IQCJ: variants seen among roughly 807,000 people sequenced by gnomAD.
The protein encoded by IQCJ is IQ motif containing J.
Under a neutral mutation model 11.0 loss-of-function variants are expected in IQCJ, and 9 were observed. The observed-to-expected ratio is 0.82, with a 90% CI of 0.49 to 1.43. IQCJ has a LOEUF of 1.43. IQCJ is among the 40% of genes most tolerant of loss of function. The probability of loss-of-function intolerance (pLI) is 0.00; values close to 1 mark genes in which losing one functional copy is unlikely to be tolerated. For synonymous variants in IQCJ, 55 were observed against 51.3 expected (o/e 1.07, Z -0.31); for missense variants, 146 against 133.2 (o/e 1.10, Z -0.47).
intron 1 of IQCJ, among the ~76,000 whole-genome samples, chr3:159,201,627 CTT>C (rs71144478): frequency 4.3e-5 from 3 of 70,314 alleles, no homozygotes; most frequent in Non-Finnish European, 7.8e-5. Context: ...GATAATGATT[CTT>C]TTTTTTTTTT....
intron 1 of IQCJ, among the ~76,000 whole-genome samples, chr3:159,163,189 A>T (rs1403044032): frequency 2.6e-5 from 4 of 152,210 alleles, no homozygotes; most frequent in African/African-American, 9.7e-5. Flanking sequence ...ATAGTGGCAA[A>T]CCGAATCCAG....
intron 1 of IQCJ, among the ~76,000 whole-genome samples, chr3:159,151,522 G>T (rs1577043320): frequency 6.6e-6 from 1 of 152,182 alleles, no homozygotes. Context: ...CTGTGGAGCT[G>T]CCCCTCCTGT....
At chr3:159,217,283 T>C (rs80340533) in intron 1 of IQCJ, among the ~76,000 whole-genome samples, 5,360 of 152,248 alleles carry the variant, frequency 0.035, 285 homozygotes, top group African/African-American at 0.12. Context: ...CACTTATAAA[T>C]AGTATTAAAT....
intron 1 of IQCJ, among the ~76,000 whole-genome samples, chr3:159,154,018 T>C (rs554891551): frequency 6.6e-6 from 1 of 152,342 alleles, no homozygotes; most frequent in Non-Finnish European, 1.5e-5. Flanking sequence ...CTTTTCTTAA[T>C]GAATTAGCCA....
chr3:159,227,325 T>C (rs1040438118), intron 1 of IQCJ, among the ~76,000 whole-genome samples: 12 of 152,198 alleles, frequency 7.9e-5, no homozygotes, highest in African/African-American at 2.9e-4. Flanking sequence ...ATAATTGGAT[T>C]TCAAGGTCTA....
At chr3:159,201,200 T>C (rs1724308121) in intron 1 of IQCJ, among the ~76,000 whole-genome samples, 1 of 152,168 alleles carries the variant, frequency 6.6e-6, no homozygotes. Context: ...GCTGATTACA[T>C]TTAATAATTG....
At chr3:159,244,345 G>A (rs989435235) in intron 1 of IQCJ, among the ~76,000 whole-genome samples, 1 of 152,128 alleles carries the variant, frequency 6.6e-6, no homozygotes, top group Non-Finnish European at 1.5e-5. Context: ...GGGAAGATCT[G>A]AAAACAGCAA....
chr3:159,155,645 T>C lies in IQCJ; in HGVS notation c.9+86204T>C, dbSNP rs185916165. On this transcript the variant is annotated intron_variant, in intron 1 of 3. Transcript: ENST00000397832. ...ACAAAGTAATTTTTACTTCAACTTC[T>C]GACATGAGAAGATAAATGCCAATGA... Among the ~76,000 whole-genome samples the C allele has an allele frequency of 5.9e-4, 90 of 152,330 alleles. 2 individuals carry two copies. The highest frequency in any genetic ancestry group is 5.2e-3 in the Admixed American group (79 of 15,300).
intron 1 of IQCJ, among the ~76,000 whole-genome samples, chr3:159,191,650 C>G (rs561870903): frequency 4.6e-5 from 7 of 152,302 alleles, no homozygotes; most frequent in African/African-American, 1.7e-4. Context: ...AATAATAACA[C>G]TGCAGCTTTA....
At chr3:159,180,272 A>C (rs1374019529) in intron 1 of IQCJ, among the ~76,000 whole-genome samples, 3 of 152,116 alleles carry the variant, frequency 2.0e-5, no homozygotes, top group Non-Finnish European at 2.9e-5. Context: ...CATGGGTCAA[A>C]ACTCAGGACA....
At chr3:159,124,404 C>A (rs1719553346) in intron 1 of IQCJ, among the ~76,000 whole-genome samples, 1 of 152,170 alleles carries the variant, frequency 6.6e-6, no homozygotes, top group Non-Finnish European at 1.5e-5. Context: ...GGTCCCCAGG[C>A]TCAGATCACT....
At chr3:159,215,167 G>A (rs1725158619) in intron 1 of IQCJ, among the ~76,000 whole-genome samples, 4 of 152,162 alleles carry the variant, frequency 2.6e-5, no homozygotes, top group Non-Finnish European at 4.4e-5. Context: ...TGCTGGGCTT[G>A]ATGAAAAATG....
intron 1 of IQCJ, among the ~76,000 whole-genome samples, chr3:159,220,816 A>T (rs1435931666): frequency 1.3e-5 from 2 of 152,128 alleles, no homozygotes; most frequent in Non-Finnish European, 2.9e-5. Flanking sequence ...TGGGCTTGTT[A>T]TTTCTTTCTT....
intron 1 of IQCJ, among the ~76,000 whole-genome samples, chr3:159,216,488 G>A (rs1394982355): frequency 6.6e-6 from 1 of 152,134 alleles, no homozygotes; most frequent in Non-Finnish European, 1.5e-5. Context: ...CATCAGTCAG[G>A]TAATTTGCAA....
Position 159,263,245 on chromosome 3 carries a change from C to T in IQCJ, c.*514C>T. On this transcript the variant is annotated 3_prime_UTR_variant, in exon 4 of 4. Transcript: ENST00000397832. ...CTCCTGACAATGTGACACCATGTGG[C>T]GATACAGGCAGGCATGGCCAAATGT... 6.3e-6 allele frequency: 2 copies of T among 318,968 alleles called. No individual in the cohort carries two copies. The highest frequency in any genetic ancestry group is 1.2e-4 in the South Asian group (1 of 8,196). The allele number at this position is 318,968 out of a possible 1,614,324, so 19.8% of individuals were successfully genotyped here.
chr3:159,228,802 C>CAA (rs10711050), intron 1 of IQCJ, among the ~76,000 whole-genome samples: 1 of 142,718 alleles, frequency 7.0e-6, no homozygotes, highest in African/African-American at 2.6e-5. Flanking sequence ...GACTCCGTCT[C>CAA]AAAAAAAAAA....
intron 1 of IQCJ, among the ~76,000 whole-genome samples, chr3:159,225,411 G>A (rs2108131696): frequency 1.3e-5 from 2 of 152,240 alleles, no homozygotes; most frequent in South Asian, 4.1e-4. Flanking sequence ...GGCTGTAAGG[G>A]GGGAGCAGAG....
chr3:159,169,456 T>A (rs1010078745), intron 1 of IQCJ, among the ~76,000 whole-genome samples: 7 of 151,858 alleles, frequency 4.6e-5, no homozygotes, highest in Admixed American at 2.6e-4. Flanking sequence ...CAGCTAATTT[T>A]TGTATTTTTT....
intron 1 of IQCJ, among the ~76,000 whole-genome samples, chr3:159,163,830 T>C (rs1722014499): frequency 6.6e-6 from 1 of 152,150 alleles, no homozygotes; most frequent in Non-Finnish European, 1.5e-5. Flanking sequence ...AAGTCTGGCT[T>C]CAAAGCCCAC....
Sources: allele counts gnomAD v4.1 joint callset (sites outside exome capture counted in the v4.1 genomes callset), GRCh38; gene constraint gnomAD v4.1.1; transcripts MANE v1.5; gene names NCBI Gene and HGNC (gene_info 2026-07-23, HGNC 2026-07-21).